EVL: variants seen among roughly 807,000 people sequenced by gnomAD.
EVL encodes ena/VASP-like protein.
Under a neutral mutation model 59.6 loss-of-function variants are expected in EVL, and 21 were observed. The ratio of observed to expected loss-of-function variants is 0.35; its 90% CI spans 0.25 to 0.51. EVL has a LOEUF of 0.51. EVL is among the 20% of genes least tolerant of loss of function. The pLI is 0.97. For synonymous variants in EVL, 198 were observed against 203.5 expected (o/e 0.97, Z 0.23); for missense variants, 462 against 546.6 (o/e 0.85, Z 1.54).
intron 3 of EVL, among the ~76,000 whole-genome samples, chr14:100,098,647 T>G (rs1401146502): frequency 6.6e-6 from 1 of 152,238 alleles, no homozygotes; most frequent in Non-Finnish European, 1.5e-5. Context: ...GAAACAAGGC[T>G]TTCCCAGGAT....
At chr14:100,033,962 A>C (rs139619550) in intron 1 of EVL, among the ~76,000 whole-genome samples, 2,122 of 152,280 alleles carry the variant, frequency 0.014, 46 homozygotes, top group South Asian at 0.074. Context: ...ATGGTGGCTC[A>C]TGTCTGTAAT....
intron 3 of EVL, among the ~76,000 whole-genome samples, chr14:100,121,966 C>G (rs1335929415): frequency 6.6e-6 from 1 of 152,202 alleles, no homozygotes; most frequent in African/African-American, 2.4e-5. Flanking sequence ...AATCCAGATC[C>G]AGGAGTGAAC....
chr14:99,974,815 A>G (rs552711889), intron 1 of EVL: 1 of 152,474 alleles, frequency 6.6e-6, no homozygotes, highest in African/African-American at 2.4e-5. Flanking sequence ...CCCAATGGCA[A>G]CAAGTGCCTT....
intron 1 of EVL, among the ~76,000 whole-genome samples, chr14:100,008,026 C>T (rs1179327442): frequency 6.6e-6 from 1 of 152,196 alleles, no homozygotes; most frequent in Non-Finnish European, 1.5e-5. Context: ...TCCCAGTCGC[C>T]ACTGCTAAAA....
At position 100,128,639 on chromosome 14, in the gene EVL, C is replaced by T; in HGVS notation, c.608C>T (p.Pro203Leu). 6.4e-7 allele frequency: 1 copy of T among 1,565,620 alleles called. No homozygotes were observed. The highest frequency in any genetic ancestry group is 8.7e-7 in the Non-Finnish European group (1 of 1,155,340). ...PPPPTGATPP[P>L]PPPLPAGGAQ... ...CCACCCACTGGGGCTACCCCACCTC[C>T]CCCACCCCCACTGCCAGCCGGAGGA... is the stretch of plus-strand genomic sequence containing the variant. Residue 203 changes from proline to leucine, a missense_variant, in exon 6 of 14, where the codon CCC becomes CTC. By Grantham distance (98) the Pro-to-Leu change is moderately conservative (BLOSUM62 -3). Transcript: ENST00000392920.
chr14:100,028,097 A>G (rs2061245229), intron 1 of EVL, among the ~76,000 whole-genome samples: 1 of 148,552 alleles, frequency 6.7e-6, no homozygotes, highest in African/African-American at 2.5e-5. Context: ...TCTGGATCAT[A>G]TGGTAGTTCT....
intron 1 of EVL, among the ~76,000 whole-genome samples, chr14:100,036,349 G>T (rs2061388382): frequency 6.6e-6 from 1 of 152,136 alleles, no homozygotes; most frequent in East Asian, 1.9e-4. Flanking sequence ...TATTATAAAA[G>T]ATACTGTTTG....
At chr14:100,088,137 A>C (rs2062486483) in intron 2 of EVL, among the ~76,000 whole-genome samples, 1 of 152,210 alleles carries the variant, frequency 6.6e-6, no homozygotes, top group East Asian at 1.9e-4. Flanking sequence ...AAAGATGGAA[A>C]GTGTTACATT....
chr14:100,063,050 A>T (rs755642350), upstream of EVL, among the ~76,000 whole-genome samples: 62 of 152,194 alleles, frequency 4.1e-4, no homozygotes, highest in Non-Finnish European at 7.8e-4. Flanking sequence ...GTGAACTATG[A>T]TCACACCACT....
rs556309185 is a variant in EVL at position 100,079,627 on chromosome 14, C to T, written c.12-5060C>T. ...CCTGCACTCACATTTCCCAAAAAAC[C>T]TCTTGTGGTTAGCCTCGTTCCTCCC... is the stretch of plus-strand genomic sequence containing the variant. On this transcript the variant is annotated intron_variant, in intron 1 of 13. Transcript: ENST00000392920. 1.1e-3 allele frequency among the ~76,000 whole-genome samples: 161 copies of T among 152,300 alleles called. 1 individual carries two copies. Among genetic ancestry groups the T allele is most frequent in the African/African-American group, 3.8e-3 (158 of 41,564 alleles).
At chr14:100,137,079 T>G in intron 9 of EVL, 1 of 161,950 alleles carries the variant, frequency 6.2e-6, no homozygotes, top group Non-Finnish European at 1.4e-5. Flanking sequence ...CGAATTCAAG[T>G]TAATGCAACA....
At chr14:99,979,755 G>C (rs951460999) in intron 1 of EVL, among the ~76,000 whole-genome samples, 7 of 152,196 alleles carry the variant, frequency 4.6e-5, no homozygotes, top group African/African-American at 1.7e-4. Flanking sequence ...TGTAGTCCCA[G>C]CTACTCGGGA....
intron 2 of EVL, 63 bp downstream of exon 2, chr14:100,084,918 C>G (rs2062404203): frequency 6.4e-7 from 1 of 1,558,672 alleles, no homozygotes; most frequent in Admixed American, 1.7e-5. Context: ...CCGCCCACCC[C>G]TTACACACAT....
In EVL at chr14:100,109,092, G is replaced by C. The variant is rs1033554852; in HGVS notation, c.358+11434G>C. ...GTCCAGCAGTGAAGGCTGTGCATTG[G>C]CCTGAGCCCCTGGTCCCTCTGACTC... On this transcript the variant is annotated intron_variant, in intron 3 of 13. Coordinates refer to ENST00000392920, the MANE Select transcript of EVL (RefSeq NM_016337.3). The surrounding 1 kb of genome is among the most constrained non-coding windows in gnomAD (Gnocchi z 4.3). 2.6e-5 allele frequency among the ~76,000 whole-genome samples: 4 copies of C among 152,030 alleles called. No homozygotes were observed. The highest frequency in any genetic ancestry group is 2.6e-4 in the Admixed American group (4 of 15,274).
intron 1 of EVL, among the ~76,000 whole-genome samples, chr14:100,055,380 A>G (rs1267826865): frequency 1.3e-5 from 2 of 152,132 alleles, no homozygotes; most frequent in Non-Finnish European, 2.9e-5. Flanking sequence ...GCTTAAAAGT[A>G]TTCAGTTGGA....
At chr14:100,022,428 C>T (rs1038887602) in intron 1 of EVL, among the ~76,000 whole-genome samples, 3 of 152,052 alleles carry the variant, frequency 2.0e-5, no homozygotes, top group Non-Finnish European at 2.9e-5. Context: ...CAGGCATGCA[C>T]CACCACGCCC....
rs1318237540 is a variant in EVL, at chr14:100,108,627, T to C, written c.358+10969T>C. 6.6e-6 allele frequency among the ~76,000 whole-genome samples: 1 copy of C among 152,172 alleles called. No homozygotes were observed. The highest frequency in any genetic ancestry group is 2.4e-5 in the African/African-American group (1 of 41,442). ...GCCAACAGCTACCCAAGTCGCACCGTCAGTCACACTCTTACTCAGGCTCTC... is the reference window on the plus strand; with the variant it reads ...GCCAACAGCTACCCAAGTCGCACCGCCAGTCACACTCTTACTCAGGCTCTC... On this transcript the variant is annotated intron_variant, in intron 3 of 13. Coordinates refer to ENST00000392920, the MANE Select transcript of EVL (RefSeq NM_016337.3). This position sits in a 1 kb window ranked among gnomAD's most constrained non-coding sequence, Gnocchi z 4.1.
chr14:100,028,531 G>A (rs1013051871), intron 1 of EVL, among the ~76,000 whole-genome samples: 10 of 152,082 alleles, frequency 6.6e-5, no homozygotes, highest in Admixed American at 2.6e-4. Context: ...ACAATCTATC[G>A]GCCGGGCGCG....
At chr14:99,985,491 G>T (rs1330256174) in intron 1 of EVL, among the ~76,000 whole-genome samples, 1 of 152,094 alleles carries the variant, frequency 6.6e-6, no homozygotes, top group Non-Finnish European at 1.5e-5. Context: ...GTCTTGGCCA[G>T]GCGTGGTGGC....
Sources: gnomAD v4.1 joint callset for allele counts (sites outside exome capture counted in the v4.1 genomes callset) on GRCh38, gnomAD v4.1.1 for gene constraint, Gnocchi (gnomAD v3.1) non-coding constraint, MANE v1.5 for transcripts, NCBI Gene and HGNC (gene_info 2026-07-23, HGNC 2026-07-21) for gene names.